The following SPATA13 variants were observed in gnomAD, a reference collection of about 807,000 sequenced individuals.
SPATA13 encodes spermatogenesis associated 13.
SPATA13 carries 50 observed loss-of-function variants against 104.0 expected under a neutral mutation model. That is an observed-to-expected ratio of 0.48 (90% CI 0.38 to 0.61). The LOEUF (loss-of-function observed/expected upper bound fraction) is 0.61. Ranked by LOEUF, SPATA13 falls within the 20% of genes least tolerant of loss-of-function variation. The probability of loss-of-function intolerance (pLI) is 0.00; values close to 1 mark genes in which losing one functional copy is unlikely to be tolerated. For synonymous variants in SPATA13, 606 were observed against 667.5 expected (o/e 0.91, Z 1.42); for missense variants, 1,524 against 1,690.6 (o/e 0.90, Z 1.73).
chr13:24,027,660 A>G (rs2137710543), intron 3 of SPATA13, among the ~76,000 whole-genome samples: 1 of 152,202 alleles, frequency 6.6e-6, no homozygotes, highest in East Asian at 1.9e-4. Context: ...CTTCTTTTCT[A>G]GTATAAGCAA....
chr13:24,222,766 AGGGGCTACTGCGT>A, intron 1 of SPATA13, 40 bp from the exon 2 acceptor site: 1 of 1,442,126 alleles, frequency 6.9e-7, no homozygotes. Context: ...CTGTGAGCAG[AGGGGCTACTGCGT>A]GGGAAATGGC....
chr13:24,209,298 A>G (rs922811311), intron 1 of SPATA13, among the ~76,000 whole-genome samples: 1 of 152,226 alleles, frequency 6.6e-6, no homozygotes, highest in Non-Finnish European at 1.5e-5. Context: ...ATAGAGGTGT[A>G]AGACTTTAAT....
In SPATA13 at chr13:24,286,233, T is replaced by C. The variant is rs774702277; in HGVS notation, c.2321T>C (p.Val774Ala). 6.2e-7 allele frequency: 1 copy of C among 1,612,704 alleles called. No homozygotes were observed. Among genetic ancestry groups the C allele is most frequent in the Non-Finnish European group, 8.5e-7 (1 of 1,179,326 alleles). ...AINELISDGN[V>A]VCAEALWDHV... ...TTTCAGCTGATCAGTGATGGCAACG[T>C]GGTCTGCGCAGAAGCCCTGTGGGAC... Residue 774 changes from valine (V) to alanine (A), a missense_variant, in exon 6 of 13, where the codon GTG (valine) becomes GCG (alanine). Val to Ala is a moderately conservative substitution (Grantham distance 64). Coordinates refer to ENST00000382108, the MANE Select transcript of SPATA13 (RefSeq NM_001166271.3). The surrounding 1 kb of genome is among the most constrained non-coding windows in gnomAD (Gnocchi z 4.9).
intron 2 of SPATA13, among the ~76,000 whole-genome samples, chr13:24,004,646 G>A (rs767897924): frequency 6.6e-6 from 1 of 152,186 alleles, no homozygotes; most frequent in Non-Finnish European, 1.5e-5. Flanking sequence ...GGTGTGGTCA[G>A]CACAGTGCAT....
intron 3 of SPATA13, among the ~76,000 whole-genome samples, chr13:24,053,125 C>T (rs1309158797): frequency 6.6e-6 from 1 of 151,950 alleles, no homozygotes; most frequent in Non-Finnish European, 1.5e-5. Context: ...TTCTCCGTGA[C>T]ATTCTTGTTT....
intron 1 of SPATA13, among the ~76,000 whole-genome samples, chr13:24,184,590 ATTG>A (rs1281294704): frequency 9.2e-5 from 14 of 152,090 alleles, no homozygotes; most frequent in African/African-American, 3.1e-4. Flanking sequence ...CTGATGTGTA[ATTG>A]TTGTTATCCA....
At chr13:24,190,809 AT>A (rs1450673072) in intron 1 of SPATA13, among the ~76,000 whole-genome samples, 1 of 152,216 alleles carries the variant, frequency 6.6e-6, no homozygotes, top group Non-Finnish European at 1.5e-5. Flanking sequence ...TATTACATAA[AT>A]TTAATTGATA....
intron 3 of SPATA13, among the ~76,000 whole-genome samples, chr13:24,101,278 A>G (rs1441131054): frequency 1.3e-5 from 2 of 152,192 alleles, no homozygotes; most frequent in South Asian, 2.1e-4. Context: ...ATACCATTTC[A>G]TCATACAGAT....
intron 3 of SPATA13, chr13:24,122,718 A>G (rs1170979490): frequency 7.7e-6 from 7 of 904,750 alleles, no homozygotes; most frequent in Non-Finnish European, 1.3e-5. Context: ...AAGGAGGAGC[A>G]TCATATCTGT....
intron 1 of SPATA13, among the ~76,000 whole-genome samples, chr13:24,218,380 T>C (rs2138601574): frequency 6.6e-6 from 1 of 152,228 alleles, no homozygotes; most frequent in Non-Finnish European, 1.5e-5. Context: ...GAGGTAGCAG[T>C]GCTGGGGTGG....
At chr13:24,123,377 T>G in intron 3 of SPATA13, 1 of 1,282,980 alleles carries the variant, frequency 7.8e-7, no homozygotes, top group Non-Finnish European at 1.1e-6. Context: ...AGCAAGCCCT[T>G]GCTCTCATGT....
intron 3 of SPATA13, among the ~76,000 whole-genome samples, chr13:24,018,889 C>T (rs907744685): frequency 2.0e-5 from 3 of 151,942 alleles, no homozygotes; most frequent in Admixed American, 6.6e-5. Context: ...GGTGTACACT[C>T]GAGAAATAAT....
At chr13:24,022,171 T>C (rs1454494035) in intron 3 of SPATA13, among the ~76,000 whole-genome samples, 1 of 151,388 alleles carries the variant, frequency 6.6e-6, no homozygotes, top group Non-Finnish European at 1.5e-5. Flanking sequence ...GCCTCCCGAG[T>C]AGCTGGGACT....
At chr13:24,245,643 T>C (rs1199913122) in intron 2 of SPATA13, among the ~76,000 whole-genome samples, 2 of 141,238 alleles carry the variant, frequency 1.4e-5, no homozygotes, top group Non-Finnish European at 3.1e-5. Context: ...CCAGGCTGGA[T>C]TGCAGTAGTG....
intron 3 of SPATA13, among the ~76,000 whole-genome samples, chr13:24,142,020 C>T (rs1196597781): frequency 6.6e-6 from 1 of 152,018 alleles, no homozygotes; most frequent in Non-Finnish European, 1.5e-5. Flanking sequence ...TCCTTTTTTC[C>T]AGAAACAATC....
At chr13:24,032,972 G>A (rs910781218) in intron 3 of SPATA13, among the ~76,000 whole-genome samples, 1 of 152,192 alleles carries the variant, frequency 6.6e-6, no homozygotes, top group South Asian at 2.1e-4. Context: ...CTCATTTTGG[G>A]TAGATTGGAA....
At chr13:24,253,718 G>A (rs1352547358) in intron 4 of SPATA13, among the ~76,000 whole-genome samples, 2 of 152,088 alleles carry the variant, frequency 1.3e-5, no homozygotes, top group Admixed American at 6.5e-5. Context: ...AGGAGGTGAC[G>A]CTGGGGACAG....
In SPATA13 at chr13:24,286,157, C is replaced by A; in HGVS notation, c.2302-57C>A. 1.3e-6 allele frequency: 2 copies of A among 1,516,696 alleles called. No individual in the cohort carries two copies. The highest frequency in any genetic ancestry group is 1.8e-6 in the Non-Finnish European group (2 of 1,123,914). The allele number at this position is 1,516,696 out of a possible 1,614,324, so 94.0% of individuals were successfully genotyped here. On this transcript the variant is annotated intron_variant, in intron 5 of 12. Coordinates refer to ENST00000382108, the MANE Select transcript of SPATA13 (RefSeq NM_001166271.3). The surrounding 1 kb of genome is among the most constrained non-coding windows in gnomAD (Gnocchi z 4.9). ...CTGAGAGAGTGCACCTAGTGGCTCC[C>A]TCACCATCCCGCCCACTCGTGCTCT...
Position 24,224,335 on chromosome 13 carries a change from C to A in SPATA13, c.1406C>A (p.Pro469His), listed in dbSNP as rs1299300308. Reference protein sequence around the residue: ...QPPTPLRPTTPKPQSPQSPQS... With the variant: ...QPPTPLRPTTHKPQSPQSPQS... Reference sequence around the variant, plus strand: ...CCCACCCCTCTAAGGCCCACCACACCCAAGCCCCAGAGCCCTCAGAGCCCC... The same window carrying A: ...CCCACCCCTCTAAGGCCCACCACACACAAGCCCCAGAGCCCTCAGAGCCCC... The change falls in exon 2 of 13, where the codon CCC becomes CAC. Residue 469 changes from proline to histidine, a missense_variant. Physicochemically the swap from Pro to His is moderately conservative, Grantham distance 77 (BLOSUM62 -2). Around this residue, in one of 2 missense-constraint regions of SPATA13, gnomAD observed 1,089 missense variants for 1,135.9 expected, o/e 0.96. Coordinates refer to ENST00000382108, the MANE Select transcript of SPATA13 (RefSeq NM_001166271.3). 1.3e-6 allele frequency: 2 copies of A among 1,551,614 alleles called. No homozygotes were observed. Among genetic ancestry groups the A allele is most frequent in the African/African-American group, 1.4e-5 (1 of 73,034 alleles).
Sources: gnomAD v4.1 joint callset for allele counts (sites outside exome capture counted in the v4.1 genomes callset) on GRCh38, gnomAD v4.1.1 for gene constraint, gnomAD v4.1.1 regional missense constraint, Gnocchi (gnomAD v3.1) non-coding constraint, MANE v1.5 for transcripts, NCBI Gene and HGNC (gene_info 2026-07-23, HGNC 2026-07-21) for gene names.